The following GRM8 variants were observed in gnomAD, a reference collection of about 807,000 sequenced individuals.
GRM8 encodes the protein glutamate metabotropic receptor 8.
A neutral mutation model predicts 87.2 loss-of-function variants in GRM8; 47 were observed. The ratio of observed to expected loss-of-function variants is 0.54; its 90% CI spans 0.43 to 0.69. The LOEUF is 0.69. GRM8 is among the 30% of genes least tolerant of loss of function. The probability of loss-of-function intolerance (pLI) is 0.00; values close to 1 mark genes in which losing one functional copy is unlikely to be tolerated. For synonymous variants in GRM8, 396 were observed against 404.5 expected (o/e 0.98, Z 0.25); for missense variants, 1,019 against 1,139.2 (o/e 0.89, Z 1.52).
chr7:126,531,894 T>C (rs941967954), intron 9 of GRM8, among the ~76,000 whole-genome samples: 1 of 152,182 alleles, frequency 6.6e-6, no homozygotes, highest in Non-Finnish European at 1.5e-5. Flanking sequence ...GGAAATGTAA[T>C]TACCCCATGA....
At chr7:127,191,508 T>C (rs920359640) in intron 2 of GRM8, among the ~76,000 whole-genome samples, 3 of 152,182 alleles carry the variant, frequency 2.0e-5, no homozygotes, top group Non-Finnish European at 4.4e-5. Flanking sequence ...ACCAGGACCT[T>C]TTTCCTGTCT....
intron 7 of GRM8, among the ~76,000 whole-genome samples, chr7:126,728,199 T>A (rs1421357449): frequency 6.6e-6 from 1 of 152,130 alleles, no homozygotes. Flanking sequence ...AGTAGGGGAC[T>A]GCAGCACATG....
intron 7 of GRM8, among the ~76,000 whole-genome samples, chr7:126,690,899 A>G (rs1226569411): frequency 6.6e-6 from 1 of 152,080 alleles, no homozygotes; most frequent in Non-Finnish European, 1.5e-5. Context: ...AGTCGCTTGA[A>G]TCCAGGGTTT....
rs28952001 is a variant in GRM8, at chr7:127,195,003, G to A, written c.510+47692C>T. On this transcript the variant is annotated intron_variant, in intron 2 of 10. Coordinates refer to ENST00000339582, the MANE Select transcript of GRM8 (RefSeq NM_000845.3). Reference sequence around the variant, plus strand: ...ATGTTGACTTCTCTAGTTTTGTCGGGCTATTTATAGGGATCAAATAGTGAT... The same window carrying A: ...ATGTTGACTTCTCTAGTTTTGTCGGACTATTTATAGGGATCAAATAGTGAT... Among the ~76,000 whole-genome samples the A allele has an allele frequency of 7.9e-5, 12 of 152,078 alleles. No individual in the cohort carries two copies. In the East Asian group the frequency reaches 2.3e-3, roughly 29 times the overall value.
intron 1 of GRM8, among the ~76,000 whole-genome samples, chr7:127,249,757 C>T (rs917410956): frequency 1.3e-5 from 2 of 152,196 alleles, no homozygotes; most frequent in South Asian, 2.1e-4. Flanking sequence ...AGCTCATAGC[C>T]TCTCCTGGGA....
At chr7:126,473,646 G>T (rs1383249925) in intron 9 of GRM8, among the ~76,000 whole-genome samples, 1 of 152,136 alleles carries the variant, frequency 6.6e-6, no homozygotes, top group Non-Finnish European at 1.5e-5. Context: ...GAAATATGAG[G>T]ATATGAGATT....
At chr7:126,554,251 T>C (rs1235037313) in intron 8 of GRM8, among the ~76,000 whole-genome samples, 2 of 151,918 alleles carry the variant, frequency 1.3e-5, no homozygotes, top group East Asian at 1.9e-4. Flanking sequence ...AGATAAGTTT[T>C]AGAGAAACCA....
chr7:127,232,235 G>GAC (rs1797737234), intron 2 of GRM8, among the ~76,000 whole-genome samples: 7 of 149,736 alleles, frequency 4.7e-5, no homozygotes, highest in Admixed American at 1.3e-4. Flanking sequence ...GAGAGAGAGA[G>GAC]AGAGACAGAC....
At chr7:126,925,176 T>C (rs1447476422) in intron 3 of GRM8, among the ~76,000 whole-genome samples, 1 of 152,164 alleles carries the variant, frequency 6.6e-6, no homozygotes, top group Non-Finnish European at 1.5e-5. Flanking sequence ...TCACAAGGAT[T>C]TCTTCTATTT....
At chr7:127,215,440 C>T (rs528736703) in intron 2 of GRM8, among the ~76,000 whole-genome samples, 14 of 151,780 alleles carry the variant, frequency 9.2e-5, no homozygotes, top group African/African-American at 3.1e-4. Context: ...TAATCAGTTC[C>T]GTTGACCTTG....
intron 9 of GRM8, among the ~76,000 whole-genome samples, chr7:126,529,341 A>C (rs1166049066): frequency 1.3e-5 from 2 of 152,212 alleles, no homozygotes; most frequent in Non-Finnish European, 2.9e-5. Context: ...GGACTATAAG[A>C]AGAGCTATAT....
At chr7:126,740,344 G>A (rs1038835913) in intron 7 of GRM8, among the ~76,000 whole-genome samples, 3 of 151,996 alleles carry the variant, frequency 2.0e-5, no homozygotes, top group African/African-American at 7.2e-5. Context: ...TTATTCCCTA[G>A]GAGATAACTT....
At chr7:126,498,778 T>C (rs992384204) in intron 9 of GRM8, among the ~76,000 whole-genome samples, 8 of 152,008 alleles carry the variant, frequency 5.3e-5, no homozygotes, top group Non-Finnish European at 8.8e-5. Context: ...CTAATGGACA[T>C]AATGTAGCTA....
chr7:126,521,027 C>T (rs756164076), intron 9 of GRM8, among the ~76,000 whole-genome samples: 2 of 152,084 alleles, frequency 1.3e-5, no homozygotes, highest in Non-Finnish European at 2.9e-5. Context: ...CTGATGTAAA[C>T]ACTTTAAGGG....
At chr7:126,678,791 T>C (rs958533653) in intron 7 of GRM8, among the ~76,000 whole-genome samples, 5 of 152,194 alleles carry the variant, frequency 3.3e-5, no homozygotes, top group South Asian at 2.1e-4. Context: ...TTTTCCAAAA[T>C]TGACTAACAG....
rs115650789 is a variant in GRM8 at position 126,799,902 on chromosome 7, A to T, written c.1157-29837T>A. Among the ~76,000 whole-genome samples, 437 of 152,240 alleles carry T rather than the reference A, an allele frequency of 2.9e-3. 5 individuals are homozygous for T. Among genetic ancestry groups the T allele is most frequent in the African/African-American group, 1.0e-2 (415 of 41,564 alleles). On this transcript the variant is annotated intron_variant, in intron 6 of 10. Transcript: ENST00000339582. ...ATGAGACAGGCCTGGATTTGAGGCA[A>T]ATCAGCACAAAACTTCAGAATCCAG...
chr7:126,452,704 G>T (rs927094904), intron 9 of GRM8, among the ~76,000 whole-genome samples: 1 of 151,672 alleles, frequency 6.6e-6, no homozygotes, highest in Non-Finnish European at 1.5e-5. Context: ...AGTAAACTTG[G>T]TAATAATGGG....
At chr7:126,670,973 T>A (rs774174442) in intron 7 of GRM8, among the ~76,000 whole-genome samples, 2 of 152,216 alleles carry the variant, frequency 1.3e-5, no homozygotes, top group Non-Finnish European at 2.9e-5. Flanking sequence ...TATAGTTGTT[T>A]GCATCAGTAC....
intron 2 of GRM8, among the ~76,000 whole-genome samples, chr7:127,138,759 C>T (rs926701501): frequency 3.3e-5 from 5 of 152,060 alleles, no homozygotes; most frequent in Admixed American, 6.5e-5. Flanking sequence ...TCTTTAGTGA[C>T]GAAAAGCACT....
Sources: gnomAD v4.1 joint callset for allele counts (sites outside exome capture counted in the v4.1 genomes callset) on GRCh38, gnomAD v4.1.1 for gene constraint, MANE v1.5 for transcripts, NCBI Gene and HGNC (gene_info 2026-07-23, HGNC 2026-07-21) for gene names.